Variants in CDH8 observed in about 807,000 individuals in gnomAD.
The protein encoded by CDH8 is cadherin 8.
A neutral mutation model predicts 68.1 loss-of-function variants in CDH8; 17 were observed. The ratio of observed to expected loss-of-function variants is 0.25; its 90% CI spans 0.17 to 0.37. The LOEUF is 0.37. CDH8 is among the 10% of genes least tolerant of loss of function. The probability of loss-of-function intolerance (pLI) is 1.00; values close to 1 mark genes in which losing one functional copy is unlikely to be tolerated. For synonymous variants in CDH8, 372 were observed against 365.1 expected (o/e 1.02, Z -0.21); for missense variants, 763 against 999.3 (o/e 0.76, Z 3.19).
intron 3 of CDH8, 130 bp from the exon 4 acceptor site, chr16:61,857,368 G>A: frequency 1.3e-6 from 1 of 799,928 alleles, no homozygotes; most frequent in Non-Finnish European, 1.9e-6. Context: ...TTTTTAAAAA[G>A]TTGAAGATAA....
chr16:61,929,394 G>C (rs981113601), intron 2 of CDH8, among the ~76,000 whole-genome samples: 2 of 152,050 alleles, frequency 1.3e-5, no homozygotes, highest in African/African-American at 2.4e-5. Context: ...ACAAAAATCT[G>C]ACTACAAAAG....
chr16:61,789,457 G>T lies in CDH8; in HGVS notation c.1303C>A (p.Leu435Met), dbSNP rs769140892. The change falls in exon 8 of 12, where the codon CTG becomes ATG. Residue 435 changes from leucine (L) to methionine (M), a missense_variant. Physicochemically the swap from Leu to Met is conservative, Grantham distance 15. Transcript: ENST00000577390. ...GCATTAATGTTGAACTGCCTCTCCA[G>T]GTCAGTGTGCCGGTCGATGGAAAAC... The part of the protein sequence containing the change: ...IRFSIDRHTD[L>M]ERQFNINADD... The T allele has an allele frequency of 5.0e-6, 8 of 1,612,728 alleles. No individual in the cohort carries two copies. In the African/African-American group the frequency reaches 9.4e-5, roughly 19 times the overall value.
intron 8 of CDH8, among the ~76,000 whole-genome samples, chr16:61,763,120 C>A (rs2142974372): frequency 6.6e-6 from 1 of 152,224 alleles, no homozygotes; most frequent in Non-Finnish European, 1.5e-5. Flanking sequence ...TGTAAAAGAA[C>A]AACAGGAAAG....
At chr16:61,731,115 A>G (rs1959522731) in intron 8 of CDH8, among the ~76,000 whole-genome samples, 1 of 151,632 alleles carries the variant, frequency 6.6e-6, no homozygotes, top group Non-Finnish European at 1.5e-5. Flanking sequence ...GTGAAAGAGA[A>G]AAGCAGGCCT....
intron 2 of CDH8, among the ~76,000 whole-genome samples, chr16:62,012,727 A>G (rs943004182): frequency 6.6e-6 from 1 of 152,194 alleles, no homozygotes; most frequent in Non-Finnish European, 1.5e-5. Context: ...ATATATTGAT[A>G]TATTTCCTTA....
chr16:61,668,697 C>T (rs1963730253), intron 10 of CDH8, among the ~76,000 whole-genome samples: 1 of 150,336 alleles, frequency 6.7e-6, no homozygotes, highest in African/African-American at 2.4e-5. Context: ...CACACCAAGG[C>T]CTTTAGTGGA....
At chr16:61,954,677 G>A (rs1322305962) in intron 2 of CDH8, among the ~76,000 whole-genome samples, 1 of 148,296 alleles carries the variant, frequency 6.7e-6, no homozygotes, top group Non-Finnish European at 1.5e-5. Context: ...CTCCAGCCTG[G>A]GCAACAGAGC....
intron 10 of CDH8, among the ~76,000 whole-genome samples, chr16:61,664,814 A>G (rs893296587): frequency 1.3e-5 from 2 of 152,044 alleles, no homozygotes; most frequent in African/African-American, 4.8e-5. Flanking sequence ...TATTAGTCCT[A>G]TATTCAGAGA....
chr16:61,750,394 A>G (rs1223753773), intron 8 of CDH8, among the ~76,000 whole-genome samples: 1 of 152,124 alleles, frequency 6.6e-6, no homozygotes, highest in Non-Finnish European at 1.5e-5. Flanking sequence ...TCCTGTAATC[A>G]CTAAATTAAA....
chr16:61,759,552 C>T (rs570448078), intron 8 of CDH8, among the ~76,000 whole-genome samples: 1 of 152,200 alleles, frequency 6.6e-6, no homozygotes, highest in Non-Finnish European at 1.5e-5. Context: ...GGATACTCAT[C>T]AAGGAACTAG....
At chr16:61,984,235 C>T (rs1192418919) in intron 2 of CDH8, among the ~76,000 whole-genome samples, 1 of 152,118 alleles carries the variant, frequency 6.6e-6, no homozygotes. Flanking sequence ...TTAATAAGGG[C>T]ACTAACCCTA....
rs1473348588 is a variant in CDH8 at position 62,011,619 on chromosome 16, T to C, written c.252+9533A>G. ...ATTGGCTGATTTCCCAAAAACTAAA[T>C]GTGTATTTCATTTTAAAGCCTTTAA... On this transcript the variant is annotated intron_variant, in intron 2 of 11. Transcript: ENST00000577390. 2.0e-5 allele frequency among the ~76,000 whole-genome samples: 3 copies of C among 152,242 alleles called. No homozygotes were observed. The East Asian group carries it at 5.8e-4, about 30-fold the overall frequency.
At chr16:61,942,889 C>T (rs7200723) in intron 2 of CDH8, among the ~76,000 whole-genome samples, 66,851 of 151,806 alleles carry the variant, frequency 0.44, 15,425 homozygotes, top group African/African-American at 0.57. Flanking sequence ...CTGGACAACA[C>T]GGCAAAACCG....
Position 61,963,993 on chromosome 16 carries a change from G to A in CDH8, c.252+57159C>T, listed in dbSNP as rs576214738. ...CTGTTTACAATGAACACAGACTTAG[G>A]GGCTAAAATACAGTAAGTCTTCACT... On this transcript the variant is annotated intron_variant, in intron 2 of 11. Transcript: ENST00000577390. Among the ~76,000 whole-genome samples the A allele has an allele frequency of 4.3e-4, 66 of 152,188 alleles. 1 individual carries two copies. Among genetic ancestry groups the A allele is most frequent in the African/African-American group, 1.6e-3 (65 of 41,536 alleles).
chr16:61,804,342 A>C (rs1961745069), intron 7 of CDH8, among the ~76,000 whole-genome samples: 1 of 152,222 alleles, frequency 6.6e-6, no homozygotes, highest in East Asian at 1.9e-4. Context: ...AATTTATAGC[A>C]CTAAATGCCC....
At chr16:62,021,645 T>G (rs1315578608) in intron 1 of CDH8, 43 bp from the exon 2 acceptor site, 1 of 1,140,780 alleles carries the variant, frequency 8.8e-7, no homozygotes, top group Non-Finnish European at 1.1e-6. Flanking sequence ...CTACTCAAAC[T>G]GGTTTTAAAA....
chr16:61,812,956 C>T lies in CDH8; in HGVS notation c.1277+4523G>A, dbSNP rs537257348. On this transcript the variant is annotated intron_variant, in intron 7 of 11. Transcript: ENST00000577390. ...TTCTTGGTGTCATTTGTAAGAATTA[C>T]GTGAGATAATACATAATAGGAGCTT... Among the ~76,000 whole-genome samples the T allele has an allele frequency of 5.3e-5, 8 of 152,162 alleles. No individual in the cohort carries two copies. In the South Asian group the frequency reaches 6.2e-4, roughly 12 times the overall value.
chr16:61,992,050 T>TTGTGTGTGTGTGTGTG (rs11271459), intron 2 of CDH8, among the ~76,000 whole-genome samples: 1,763 of 144,390 alleles, frequency 0.012, 25 homozygotes, highest in Admixed American at 0.035. Flanking sequence ...TGCTAAATCT[T>TTGTGTGTGTGTGTGTG]TGTGTGTGTG....
intron 8 of CDH8, among the ~76,000 whole-genome samples, chr16:61,768,367 TCCCTTTCTCTCTCTCTCTCTCTCTCTCC>T (rs1960674307): frequency 5.0e-5 from 4 of 80,620 alleles, no homozygotes; most frequent in Admixed American, 2.7e-4. Context: ...TCTCTCTCTC[TCCCTTTCTCTCTCTCTCTCTCTCTCTCC>T]CTTTCTCTCT....
Sources: gnomAD v4.1 joint callset for allele counts (sites outside exome capture counted in the v4.1 genomes callset) on GRCh38, gnomAD v4.1.1 for gene constraint, MANE v1.5 for transcripts, NCBI Gene and HGNC (gene_info 2026-07-23, HGNC 2026-07-21) for gene names.